The following POT1 variants were observed in gnomAD, a reference collection of about 807,000 sequenced individuals.
The protein encoded by POT1 is protection of telomeres 1.
A neutral mutation model predicts 78.5 loss-of-function variants in POT1; 47 were observed. The ratio of observed to expected loss-of-function variants is 0.60; its 90% CI spans 0.47 to 0.76. The LOEUF (loss-of-function observed/expected upper bound fraction) is 0.76, where lower values mean the gene tolerates loss of function less well. Ranked by LOEUF, POT1 falls within the 30% of genes least tolerant of loss-of-function variation. POT1 has a pLI of 0.00. For missense variants in POT1, 646 were observed against 749.9 expected, an observed-to-expected ratio of 0.86 and a Z score of 1.62; for synonymous variants, 259 against 260.7, an observed-to-expected ratio of 0.99 and a Z score of 0.06.
intron 6 of POT1, among the ~76,000 whole-genome samples, chr7:124,873,902 C>T (rs1584779673): frequency 6.6e-6 from 1 of 151,976 alleles, no homozygotes; most frequent in Admixed American, 6.6e-5. Flanking sequence ...GGCCAAAATC[C>T]AGAAGATACT....
At chr7:124,862,040 T>C (rs1039876145) in intron 8 of POT1, among the ~76,000 whole-genome samples, 11 of 152,202 alleles carry the variant, frequency 7.2e-5, no homozygotes, top group Admixed American at 3.3e-4. Flanking sequence ...GGTAGCATGA[T>C]GCCTCTAGCT....
intron 14 of POT1, 116 bp from the exon 15 acceptor site, chr7:124,835,530 CAATG>C: frequency 9.0e-7 from 1 of 1,111,004 alleles, no homozygotes; most frequent in Non-Finnish European, 1.3e-6. Flanking sequence ...CAGAAAAAGA[CAATG>C]AATGTATGTA....
At chr7:124,917,924 A>G (rs1257389555) in intron 2 of POT1, among the ~76,000 whole-genome samples, 2 of 152,078 alleles carry the variant, frequency 1.3e-5, no homozygotes, top group African/African-American at 4.8e-5. Context: ...AGGTCCCAGG[A>G]GGTGTAGGGG....
In POT1 at chr7:124,858,775, ATTAAGT is replaced by A. The variant is rs1470014751; in HGVS notation, c.702+176_702+181del. On this transcript the variant is annotated intron_variant, in intron 9 of 18. Transcript: ENST00000357628. ...ATTATTTTAAAAATTGCTCTAACCC[ATTAAGT>A]TTATCTTTTAATAATTTATTGTAAC... is the stretch of plus-strand genomic sequence containing the variant. The A allele has an allele frequency of 1.7e-5, 7 of 417,350 alleles. No homozygotes were observed. The South Asian group carries it at 2.5e-4, about 15-fold the overall frequency. 25.9% of individuals were successfully genotyped at this position (417,350 alleles called of 1,614,324 possible).
At chr7:124,883,379 T>C (rs1379706857) in intron 6 of POT1, among the ~76,000 whole-genome samples, 1 of 152,136 alleles carries the variant, frequency 6.6e-6, no homozygotes, top group Non-Finnish European at 1.5e-5. Flanking sequence ...ATTGTAATTA[T>C]TCATTAATTT....
At chr7:124,880,413 T>C (rs1174678274) in intron 6 of POT1, among the ~76,000 whole-genome samples, 1 of 152,108 alleles carries the variant, frequency 6.6e-6, no homozygotes, top group Non-Finnish European at 1.5e-5. Context: ...TAAATAATAC[T>C]AAATAGTTTA....
intron 16 of POT1, 91 bp from the exon 17 acceptor site, chr7:124,827,396 G>T: frequency 1.7e-6 from 1 of 587,828 alleles, no homozygotes; most frequent in African/African-American, 2.0e-5. Flanking sequence ...GTATAGACCT[G>T]TAAATTTTAT....
At chr7:124,900,128 A>T (rs1335020911) in intron 3 of POT1, among the ~76,000 whole-genome samples, 4 of 152,194 alleles carry the variant, frequency 2.6e-5, no homozygotes, top group African/African-American at 9.7e-5. Flanking sequence ...TTGAATATAC[A>T]TATAAAAACT....
At chr7:124,860,933 G>C (rs758232692) in intron 8 of POT1, among the ~76,000 whole-genome samples, 3 of 152,152 alleles carry the variant, frequency 2.0e-5, no homozygotes, top group Non-Finnish European at 4.4e-5. Context: ...CAAAGGATAT[G>C]AACTTATCCT....
chr7:124,852,896 G>A lies in POT1; in HGVS notation c.869+76C>T, dbSNP rs371830788. The A allele has an allele frequency of 5.3e-6, 7 of 1,319,844 alleles. No individual in the cohort carries two copies. In the African/African-American group the frequency reaches 8.9e-5, roughly 17 times the overall value. 81.8% of individuals were successfully genotyped at this position (1,319,844 alleles called of 1,614,324 possible). On this transcript the variant is annotated intron_variant, in intron 10 of 18. Coordinates refer to ENST00000357628, the MANE Select transcript of POT1 (RefSeq NM_015450.3). ...ACAAAAGGCTAGGGAACTATCAGAA[G>A]CCCCAGGAACAATATTATCTTAGAA...
chr7:124,856,422 T>G (rs1041717720), intron 9 of POT1, among the ~76,000 whole-genome samples: 1 of 150,378 alleles, frequency 6.6e-6, no homozygotes, highest in African/African-American at 2.5e-5. Flanking sequence ...TATTGATATC[T>G]TCACAGAAAA....
At chr7:124,901,294 C>T (rs183986551) in intron 3 of POT1, among the ~76,000 whole-genome samples, 129 of 152,262 alleles carry the variant, frequency 8.5e-4, no homozygotes, top group African/African-American at 2.4e-3. Flanking sequence ...CCCTCTGAGA[C>T]GAAGGTTCCA....
intron 6 of POT1, among the ~76,000 whole-genome samples, chr7:124,879,336 C>A (rs2116592750): frequency 6.6e-6 from 1 of 152,186 alleles, no homozygotes; most frequent in Non-Finnish European, 1.5e-5. Flanking sequence ...AGTGAGCTAT[C>A]AGCAGAAATC....
At chr7:124,851,408 C>G (rs1795303208) in intron 11 of POT1, among the ~76,000 whole-genome samples, 1 of 152,098 alleles carries the variant, frequency 6.6e-6, no homozygotes, top group South Asian at 2.1e-4. Flanking sequence ...TTCAAGCAGA[C>G]AATATTAGAA....
intron 8 of POT1, among the ~76,000 whole-genome samples, chr7:124,859,996 T>C (rs1795547754): frequency 6.6e-6 from 1 of 152,050 alleles, no homozygotes; most frequent in Non-Finnish European, 1.5e-5. Flanking sequence ...AAGGTACCAA[T>C]ATTAATATTG....
In POT1 at chr7:124,835,852, A is replaced by G. The variant is rs4731219; in HGVS notation, c.1370-438T>C. Among the ~76,000 whole-genome samples the G allele has an allele frequency of 1.2e-3, 190 of 152,334 alleles. 4 individuals are homozygous for G. The highest frequency in any genetic ancestry group is 0.011 in the Admixed American group (170 of 15,308). On this transcript the variant is annotated intron_variant, in intron 14 of 18. Coordinates refer to ENST00000357628, the MANE Select transcript of POT1 (RefSeq NM_015450.3). The stretch of plus-strand genomic sequence containing the variant: ...ATTTAAATATAGATATGAGTAGTTC[A>G]TGTAATATGAATTCACATATAAAAT...
chr7:124,890,693 A>AT (rs1482859101), intron 6 of POT1, among the ~76,000 whole-genome samples: 1 of 151,814 alleles, frequency 6.6e-6, no homozygotes, highest in Non-Finnish European at 1.5e-5. Flanking sequence ...TATCCTTAGC[A>AT]TTTTTTAGCA....
At chr7:124,888,445 G>A (rs1479690960) in intron 6 of POT1, among the ~76,000 whole-genome samples, 1 of 151,796 alleles carries the variant, frequency 6.6e-6, no homozygotes. Context: ...GGCTATTCAG[G>A]GTCCTTTGTG....
chr7:124,889,087 C>T (rs1796309790), intron 6 of POT1, among the ~76,000 whole-genome samples: 1 of 151,994 alleles, frequency 6.6e-6, no homozygotes, highest in African/African-American at 2.4e-5. Context: ...AACTAGGACT[C>T]TTGTGCCCAG....
Sources: allele counts gnomAD v4.1 joint callset (sites outside exome capture counted in the v4.1 genomes callset), GRCh38; gene constraint gnomAD v4.1.1; transcripts MANE v1.5; gene names NCBI Gene and HGNC (gene_info 2026-07-23, HGNC 2026-07-21).